The following PCBP3 variants were observed in gnomAD, a reference collection of about 807,000 sequenced individuals.
PCBP3 encodes the protein poly(rC)-binding protein 3.
Under a neutral mutation model 52.7 loss-of-function variants are expected in PCBP3, and 25 were observed. That is an observed-to-expected ratio of 0.47 (90% CI 0.35 to 0.66). The LOEUF (loss-of-function observed/expected upper bound fraction) is 0.66. PCBP3 is among the 30% of genes least tolerant of loss of function. The probability of loss-of-function intolerance (pLI) is 0.01; values close to 1 mark genes in which losing one functional copy is unlikely to be tolerated. For missense variants in PCBP3, 391 were observed against 490.3 expected (o/e 0.80, Z 1.91); for synonymous variants, 162 against 183.0 (o/e 0.89, Z 0.93).
intron 3 of PCBP3, among the ~76,000 whole-genome samples, chr21:45,747,103 A>G (rs966590317): frequency 6.6e-6 from 1 of 152,250 alleles, no homozygotes; most frequent in Non-Finnish European, 1.5e-5. Flanking sequence ...TCAGTTCCAC[A>G]TGGCTGGGGA....
intron 2 of PCBP3, among the ~76,000 whole-genome samples, chr21:45,728,501 G>A (rs1054145752): frequency 3.9e-5 from 6 of 151,990 alleles, no homozygotes; most frequent in African/African-American, 1.2e-4. Context: ...AAGAATTTTG[G>A]CATCTATATT....
intron 4 of PCBP3, among the ~76,000 whole-genome samples, chr21:45,847,475 T>C (rs1355721284): frequency 1.3e-5 from 2 of 152,236 alleles, no homozygotes; most frequent in Non-Finnish European, 2.9e-5. Flanking sequence ...AGTGGTCTCT[T>C]GGCTTGAGGA....
At chr21:45,756,488 T>C (rs762544341) in intron 4 of PCBP3, among the ~76,000 whole-genome samples, 4 of 152,210 alleles carry the variant, frequency 2.6e-5, no homozygotes, top group Admixed American at 1.3e-4. Context: ...GAGATTTTGA[T>C]TGAGATAGTG....
intron 3 of PCBP3, among the ~76,000 whole-genome samples, chr21:45,739,541 TC>T (rs2086228575): frequency 1.5e-5 from 1 of 67,164 alleles, no homozygotes; most frequent in African/African-American, 6.2e-5. Flanking sequence ...GGGTGGCCCC[TC>T]CCTTCTTCAT....
intron 2 of PCBP3, among the ~76,000 whole-genome samples, chr21:45,700,764 C>G (rs912463590): frequency 6.6e-6 from 1 of 152,186 alleles, no homozygotes; most frequent in African/African-American, 2.4e-5. Flanking sequence ...TGGTCACTCC[C>G]TCCTTCTCAG....
At chr21:45,765,552 G>T (rs897762456) in intron 4 of PCBP3, among the ~76,000 whole-genome samples, 1 of 152,190 alleles carries the variant, frequency 6.6e-6, no homozygotes, top group East Asian at 1.9e-4. Flanking sequence ...GCCCCTCCCC[G>T]TGGGGCTCCT....
intron 10 of PCBP3, among the ~76,000 whole-genome samples, chr21:45,910,259 A>G (rs1006653743): frequency 9.1e-6 from 1 of 109,446 alleles, no homozygotes; most frequent in Admixed American, 1.2e-4. Flanking sequence ...CTGCTCACCT[A>G]TGGATCCTGC....
intron 4 of PCBP3, among the ~76,000 whole-genome samples, chr21:45,784,391 T>TCTACCTCTACCG (rs1555934239): frequency 1.6e-4 from 18 of 113,378 alleles, no homozygotes; most frequent in East Asian, 1.3e-3. Context: ...TACCTCTACC[T>TCTACCTCTACCG]CTACCGCTAC....
intron 4 of PCBP3, among the ~76,000 whole-genome samples, chr21:45,790,224 G>A (rs991037265): frequency 4.6e-5 from 7 of 152,188 alleles, no homozygotes; most frequent in Admixed American, 3.3e-4. Flanking sequence ...ACCCAGGTGA[G>A]AGGTGGTCCC....
Position 45,665,534 on chromosome 21 carries a change from T to C in PCBP3, c.-278-3340T>C, listed in dbSNP as rs560146068. 3.3e-5 allele frequency among the ~76,000 whole-genome samples: 5 copies of C among 152,282 alleles called. No individual in the cohort carries two copies. The East Asian group carries it at 9.6e-4, about 29-fold the overall frequency. On this transcript the variant is annotated intron_variant, in intron 1 of 17. Coordinates refer to ENST00000681687, the MANE Select transcript of PCBP3 (RefSeq NM_001384156.1). Reference sequence around the variant, plus strand: ...AGGGCTTTCTAGGTACAAGATCATATCCAAACATACGACCTTCCAAGGTTG... The same window carrying C: ...AGGGCTTTCTAGGTACAAGATCATACCCAAACATACGACCTTCCAAGGTTG...
At chr21:45,762,800 A>G (rs2088846390) in intron 4 of PCBP3, 1 of 151,970 alleles carries the variant, frequency 6.6e-6, no homozygotes. Flanking sequence ...CTGCCTTTTT[A>G]AGAGAGATGT....
At chr21:45,857,215 A>T (rs915327366) in intron 5 of PCBP3, among the ~76,000 whole-genome samples, 1 of 152,232 alleles carries the variant, frequency 6.6e-6, no homozygotes, top group South Asian at 2.1e-4. Flanking sequence ...CCATCTCAAG[A>T]TATGGCAAAG....
intron 17 of PCBP3, 89 bp downstream of exon 17, chr21:45,940,288 G>A: frequency 1.7e-6 from 2 of 1,164,924 alleles, no homozygotes; most frequent in South Asian, 2.9e-5. Context: ...GGGGTGGGAG[G>A]AGGCACAGTC....
intron 4 of PCBP3, among the ~76,000 whole-genome samples, chr21:45,767,151 C>G (rs911638133): frequency 2.6e-5 from 4 of 152,162 alleles, no homozygotes; most frequent in African/African-American, 9.7e-5. Context: ...CCACGTCTGC[C>G]TACTTCCAGA....
At chr21:45,665,377 C>T (rs770896939) in intron 1 of PCBP3, among the ~76,000 whole-genome samples, 36 of 151,976 alleles carry the variant, frequency 2.4e-4, no homozygotes, top group African/African-American at 6.3e-4. Context: ...CATTGCACCC[C>T]GGCCTATGTC....
At position 45,895,131 on chromosome 21, in the gene PCBP3, T is replaced by C. The variant is rs8130202; in HGVS notation, c.11-1077T>C. On this transcript the variant is annotated intron_variant, in intron 5 of 17. Coordinates refer to ENST00000681687, the MANE Select transcript of PCBP3 (RefSeq NM_001384156.1). ...CCCTGACACCTGTGGCTGCTCTTTG[T>C]AGATCCTCCTTACACACCACAAAGG... Among the ~76,000 whole-genome samples, 376 of 152,376 alleles carry C rather than the reference T, an allele frequency of 2.5e-3. 1 individual carries two copies. The highest frequency in any genetic ancestry group is 8.8e-3 in the African/African-American group (366 of 41,594).
At chr21:45,813,904 A>G (rs2092753012) in intron 4 of PCBP3, among the ~76,000 whole-genome samples, 1 of 152,194 alleles carries the variant, frequency 6.6e-6, no homozygotes, top group African/African-American at 2.4e-5. Context: ...TTTTGTTTGT[A>G]TGATGTTCAT....
chr21:45,765,546 C>T (rs573939997), intron 4 of PCBP3, among the ~76,000 whole-genome samples: 1 of 152,328 alleles, frequency 6.6e-6, no homozygotes, highest in Non-Finnish European at 1.5e-5. Flanking sequence ...CGCGCTGCCC[C>T]TCCCCGTGGG....
intron 1 of PCBP3, among the ~76,000 whole-genome samples, chr21:45,665,074 T>C (rs997375358): frequency 3.3e-5 from 5 of 152,010 alleles, no homozygotes; most frequent in Non-Finnish European, 1.5e-5. Context: ...TTGAGTTCTT[T>C]ATTTGGTTTT....
Sources: gnomAD v4.1 joint callset for allele counts (sites outside exome capture counted in the v4.1 genomes callset) on GRCh38, gnomAD v4.1.1 for gene constraint, MANE v1.5 for transcripts, NCBI Gene and HGNC (gene_info 2026-07-23, HGNC 2026-07-21) for gene names.